The following TNC variants were observed in gnomAD, a reference collection of about 807,000 sequenced individuals.
TNC encodes tenascin C, also known as tenascin.
A neutral mutation model predicts 202.4 loss-of-function variants in TNC; 109 were observed. The observed-to-expected ratio is 0.54, with a 90% CI of 0.46 to 0.63. The LOEUF (loss-of-function observed/expected upper bound fraction) is 0.63, where lower values mean the gene tolerates loss of function less well. Among genes scored for constraint, TNC ranks in the 30% least tolerant of loss-of-function variants. The pLI is 0.00. For synonymous variants in TNC, 1,007 were observed against 1,089.7 expected (o/e 0.92, Z 1.50); for missense variants, 2,756 against 2,833.3 (o/e 0.97, Z 0.62).
At position 115,091,029 on chromosome 9, in the gene TNC, G is replaced by A. The variant is rs751310935; in HGVS notation, c.-11C>T. 7 of 1,604,880 alleles carry A rather than the reference G, an allele frequency of 4.4e-6. No homozygotes were observed. The highest frequency in any genetic ancestry group is 5.9e-6 in the Non-Finnish European group (7 of 1,178,554). ...AGTCATGGCCCCCATGGTGGAGGTG[G>A]GTTTGGCTGGGTGCTGCTGGGGCTC... On this transcript the variant is annotated 5_prime_UTR_variant, in exon 2 of 28. Transcript: ENST00000350763.
At chr9:115,044,448 G>T (rs938242818) in intron 17 of TNC, among the ~76,000 whole-genome samples, 3 of 150,390 alleles carry the variant, frequency 2.0e-5, no homozygotes, top group Non-Finnish European at 4.4e-5. Context: ...CCTCTCTTTG[G>T]CTATAAGCTA....
At chr9:115,117,405 T>A (rs1837548290) in intron 1 of TNC, among the ~76,000 whole-genome samples, 1 of 152,226 alleles carries the variant, frequency 6.6e-6, no homozygotes, top group Non-Finnish European at 1.5e-5. Context: ...TGTCAGTTAT[T>A]CATCTGGCCC....
In TNC at chr9:115,064,920, C is replaced by T. The variant is rs554971570; in HGVS notation, c.3215-1G>A. 26 of 1,612,436 alleles carry T rather than the reference C, an allele frequency of 1.6e-5. No homozygotes were observed. In the African/African-American group the frequency reaches 2.1e-4, roughly 13 times the overall value. On this transcript the variant is annotated splice_acceptor_variant, in intron 10 of 27. Transcript: ENST00000350763. LOFTEE classifies it high-confidence loss of function. ...AGGTTTTCCAGCTCAGGGGCTTGTT[C>T]TGAATAATGACAGAGATGGGGTCAG... is the stretch of plus-strand genomic sequence containing the variant.
chr9:115,088,362 T>C (rs1834958680), intron 2 of TNC, among the ~76,000 whole-genome samples: 1 of 152,206 alleles, frequency 6.6e-6, no homozygotes, highest in Non-Finnish European at 1.5e-5. Context: ...GCTAATGGCT[T>C]TCTAATTCTA....
chr9:115,020,231 T>TC lies in TNC; in HGVS notation c.*925dup, dbSNP rs1690492827. ...AATTAAATTTTTTTTTTTTTTTTTT[T>TC]CTGTAGAGACAAGTTCTCACTATGT... On this transcript the variant is annotated 3_prime_UTR_variant, in exon 28 of 28. Transcript: ENST00000350763. The TC allele has an allele frequency of 6.7e-6, 1 of 149,426 alleles. No individual in the cohort carries two copies. The allele number at this position is 149,426 out of a possible 1,614,324, so 9.3% of individuals were successfully genotyped here. A position where few individuals can be genotyped will look rare whatever the true frequency, so the allele number is the denominator to read the frequency against.
chr9:115,025,237 A>T (rs1469268677), intron 26 of TNC, among the ~76,000 whole-genome samples: 1 of 152,202 alleles, frequency 6.6e-6, no homozygotes, highest in African/African-American at 2.4e-5. Context: ...AGCCATCTCA[A>T]CCAAAGAGGT....
Position 115,042,359 on chromosome 9 carries a change from C to G in TNC, c.5126-18G>C, listed in dbSNP as rs774491355. 4 of 1,613,052 alleles carry G rather than the reference C, an allele frequency of 2.5e-6. No homozygotes were observed. In the Admixed American group the frequency reaches 6.7e-5, roughly 27 times the overall value. Reference sequence around the variant, plus strand: ...GCCCATGGCTGTCAAGAAGAAAGCACAAGAGAAGCCCAGAAACAGTTAACT... The same window carrying G: ...GCCCATGGCTGTCAAGAAGAAAGCAGAAGAGAAGCCCAGAAACAGTTAACT... On this transcript the variant is annotated intron_variant, in intron 17 of 27. Transcript: ENST00000350763.
Position 115,086,012 on chromosome 9 carries a change from G to T in TNC, c.1719C>A (p.Cys573Ter). ...CGTGGCAGATGCACTGGCCGTCCAC[G>T]CAGCGGCCCTGGCCATGACAGTCAC... Reference protein sequence around the residue: ...CPSDCHGQGRCVDGQCICHEG... With the variant: ...CPSDCHGQGR The change falls in exon 3 of 28, where the codon TGC becomes TGA. Residue 573 changes from cysteine to a stop codon, truncating the protein, a stop_gained. Transcript: ENST00000350763. LOFTEE classifies it high-confidence loss of function. 6.2e-7 allele frequency: 1 copy of T among 1,613,844 alleles called. No individual in the cohort carries two copies. Among genetic ancestry groups the T allele is most frequent in the Non-Finnish European group, 8.5e-7 (1 of 1,179,912 alleles).
chr9:115,081,388 G>A (rs1834291541), intron 6 of TNC, among the ~76,000 whole-genome samples: 1 of 152,130 alleles, frequency 6.6e-6, no homozygotes. Context: ...ACTGGCCGTG[G>A]GATGTGCTTT....
intron 2 of TNC, among the ~76,000 whole-genome samples, chr9:115,089,792 G>C (rs929614751): frequency 2.6e-5 from 4 of 152,172 alleles, no homozygotes; most frequent in Admixed American, 2.6e-4. Context: ...GAACCACTGC[G>C]CCTAGCCAAA....
intron 1 of TNC, among the ~76,000 whole-genome samples, chr9:115,100,894 T>TG (rs1193799827): frequency 6.6e-6 from 1 of 152,122 alleles, no homozygotes; most frequent in African/African-American, 2.4e-5. Flanking sequence ...TCAATAAAGC[T>TG]GGGGGAAAAA....
intron 15 of TNC, among the ~76,000 whole-genome samples, chr9:115,051,844 T>A (rs527473076): frequency 2.0e-5 from 3 of 151,958 alleles, no homozygotes; most frequent in South Asian, 4.2e-4. Context: ...CCTAAAAGCT[T>A]TATACAACTC....
At position 115,073,762 on chromosome 9, in the gene TNC, A is replaced by G. The variant is rs747905283; in HGVS notation, c.3055T>C (p.Tyr1019His). 2 of 1,614,128 alleles carry G rather than the reference A, an allele frequency of 1.2e-6. No homozygotes were observed. Among genetic ancestry groups the G allele is most frequent in the Non-Finnish European group, 1.7e-6 (2 of 1,180,002 alleles). The change falls in exon 10 of 28, where the codon TAC (tyrosine) becomes CAC (histidine). Residue 1019 changes from tyrosine (Y) to histidine (H), a missense_variant. Physicochemically the swap from Tyr to His is moderately conservative, Grantham distance 83. Transcript: ENST00000350763. The part of the protein sequence containing the change: ...LAKFDRYRLN[Y>H]SLPTGQWVGV... ...ACCCACTGGCCTGTGGGGAGACTGTAATTGAGGCGGTAGCGGTCAAATTTG... is the reference window on the plus strand; with the variant it reads ...ACCCACTGGCCTGTGGGGAGACTGTGATTGAGGCGGTAGCGGTCAAATTTG...
rs375647582 is a variant in TNC, at chr9:115,063,237, C to T, written c.3761-48G>A. 2.6e-4 allele frequency: 413 copies of T among 1,595,794 alleles called. No individual in the cohort carries two copies. In the African/African-American group the frequency reaches 3.7e-3, roughly 14 times the overall value. On this transcript the variant is annotated intron_variant, in intron 12 of 27. Transcript: ENST00000350763. ...TGAGTTACTTAAAAAGGCAATTGCA[C>T]GCTGGGATTCAGGTGAGATGGCATT...
chr9:115,030,484 G>C (rs953028710), intron 23 of TNC, 79 bp from the exon 24 acceptor site: 11 of 1,432,622 alleles, frequency 7.7e-6, no homozygotes, highest in Non-Finnish European at 1.0e-5. Context: ...TAACTCTATG[G>C]ACTAGAATGC....
chr9:115,115,554 C>T (rs968794055), intron 1 of TNC, among the ~76,000 whole-genome samples: 17 of 152,172 alleles, frequency 1.1e-4, no homozygotes, highest in African/African-American at 3.6e-4. Context: ...AGAGTAGGCT[C>T]ATCATATATT....
intron 14 of TNC, 28 bp from the exon 15 acceptor site, chr9:115,057,453 A>G (rs1277995865): frequency 6.4e-7 from 1 of 1,554,242 alleles, no homozygotes; most frequent in Non-Finnish European, 8.6e-7. Context: ...AGGGGAGAAG[A>G]AAAAAATAAA....
In TNC at chr9:115,030,236, G is replaced by A; in HGVS notation, c.6072+18C>T. 1 of 1,597,718 alleles carries A rather than the reference G, an allele frequency of 6.3e-7. No individual in the cohort carries two copies. The highest frequency in any genetic ancestry group is 8.6e-7 in the Non-Finnish European group (1 of 1,167,376). ...TTCCCCTAGGCCTGAGGGCTCTGCA[G>A]TCCCTGGTGGTACTCACAATCCATC... On this transcript the variant is annotated intron_variant, in intron 24 of 27. Transcript: ENST00000350763.
chr9:115,084,356 C>A lies in TNC; in HGVS notation c.1984G>T (p.Gly662Cys). The change falls in exon 4 of 28, where the codon GGT (glycine) becomes TGT (cysteine). Residue 662 changes from glycine (G) to cysteine (C), a missense_variant. This residue lies in a region of TNC where 2,559 missense variants were observed against 2,546.0 expected (regional missense o/e 1.01). Transcript: ENST00000350763. ...YLVVYTPTHE[G>C]GLEMQFRVPG... is the part of the protein sequence containing the mutation. ...ACACGGAACTGCATTTCCAGACCAC[C>A]CTCGTGGGTGGGCGTGTACACGACA... The A allele has an allele frequency of 6.2e-7, 1 of 1,614,160 alleles. No homozygotes were observed. Among genetic ancestry groups the A allele is most frequent in the Non-Finnish European group, 8.5e-7 (1 of 1,180,022 alleles).
Sources: allele counts gnomAD v4.1 joint callset (sites outside exome capture counted in the v4.1 genomes callset), GRCh38; gene constraint gnomAD v4.1.1; regional missense constraint gnomAD v4.1.1; transcripts MANE v1.5; gene names NCBI Gene and HGNC (gene_info 2026-07-23, HGNC 2026-07-21).